TTN: variants seen among roughly 807,000 people sequenced by gnomAD.
TTN encodes the protein titin.
In TTN, 1,525 loss-of-function variants were observed where a neutral mutation model predicts 3,223.0. That is an observed-to-expected ratio of 0.47 (90% CI 0.45 to 0.49). The LOEUF (loss-of-function observed/expected upper bound fraction) is 0.49. Ranked by LOEUF, TTN falls within the 20% of genes least tolerant of loss-of-function variation. TTN has a pLI of 0.00. For synonymous variants in TTN, 14,094 were observed against 15,161.0 expected, an observed-to-expected ratio of 0.93 and a Z score of 5.17; for missense variants, 40,786 against 43,424.0, an observed-to-expected ratio of 0.94 and a Z score of 5.40.
In TTN at chr2:178,588,155, C is replaced by A; in HGVS notation, c.63252G>T (p.Gly21084=). 1 of 1,608,618 alleles carries A rather than the reference C, an allele frequency of 6.2e-7. No homozygotes were observed. The highest frequency in any genetic ancestry group is 8.5e-7 in the Non-Finnish European group (1 of 1,176,056). The change falls in exon 305 of 363, where the codon GGG becomes GGT. Residue 21084 remains glycine, a synonymous_variant. Coordinates refer to ENST00000589042, the MANE Select transcript of TTN (RefSeq NM_001267550.2). ...CACCATCATAGACTGGTTTTCCCCACCCAAGAGTTATGGAATGTTTGGTTG... is the reference window on the plus strand; with the variant it reads ...CACCATCATAGACTGGTTTTCCCCAACCAAGAGTTATGGAATGTTTGGTTG... ...VDTTKHSITL[G]WGKPVYDGGA... is the part of the protein sequence containing the mutation.
intron 47 of TTN, chr2:178,746,088 G>A: frequency 6.2e-7 from 1 of 1,613,406 alleles, no homozygotes; most frequent in Non-Finnish European, 8.5e-7. Context: ...CGAATTTTAA[G>A]AGTGTGACTT....
At chr2:178,671,621 A>C (rs1229436476) in intron 155 of TTN, among the ~76,000 whole-genome samples, 1 of 151,786 alleles carries the variant, frequency 6.6e-6, no homozygotes, top group African/African-American at 2.4e-5. Context: ...TTGCCTGAAC[A>C]TGTAAATTCC....
Position 178,574,448 on chromosome 2 carries a change from ATACCATC to A in TTN, c.71677_71683del (p.Asp23893LeufsTer7). ...TGCAATCACCCGGAACTCATAAGCA[ATACCATC>A]TGTAAGTCCACTTGATTTGAAAATG... On this transcript the variant is annotated frameshift_variant, in exon 326 of 363. Coordinates refer to ENST00000589042, the MANE Select transcript of TTN (RefSeq NM_001267550.2). LOFTEE classifies it high-confidence loss of function. 1 of 1,613,626 alleles carries A rather than the reference ATACCATC, an allele frequency of 6.2e-7. No homozygotes were observed. Among genetic ancestry groups the A allele is most frequent in the South Asian group, 1.1e-5 (1 of 91,062 alleles).
chr2:178,586,417 T>C (rs1371010340), intron 308 of TTN, 88 bp downstream of exon 308: 1 of 1,494,072 alleles, frequency 6.7e-7, no homozygotes. Context: ...TTTCTAGAGC[T>C]AGATTCCTCA....
Position 178,719,540 on chromosome 2 carries a change from C to A in TTN, c.23938+14G>T. The A allele has an allele frequency of 6.3e-7, 1 of 1,593,006 alleles. No individual in the cohort carries two copies. The highest frequency in any genetic ancestry group is 1.1e-5 in the South Asian group (1 of 87,352). On this transcript the variant is annotated intron_variant, in intron 82 of 362. Coordinates refer to ENST00000589042, the MANE Select transcript of TTN (RefSeq NM_001267550.2). ...GGAAATATTGTATATTCATAAAAAT[C>A]TCATTCTACTCACCAGAAACATGGA...
rs148684589 is a variant in TTN, at chr2:178,587,683, C to T, written c.63626G>A (p.Arg21209Gln). 7.4e-5 allele frequency: 119 copies of T among 1,612,886 alleles called. No individual in the cohort carries two copies. Among genetic ancestry groups the T allele is most frequent in the African/African-American group, 3.7e-4 (28 of 74,958 alleles). The change falls in exon 306 of 363, where the codon CGA becomes CAA. Residue 21209 changes from arginine (R) to glutamine (Q), a missense_variant. Physicochemically the swap from Arg to Gln is conservative, Grantham distance 43 (BLOSUM62 1). Transcript: ENST00000589042. ...RGRPAPKVTW[R>Q]KVGIDNVVRK... The stretch of plus-strand genomic sequence containing the variant: ...GACCACATTATCAATGCCAACTTTT[C>T]GCCAAGTGACTTTAGGGGCTGGTCG...
intron 223 of TTN, among the ~76,000 whole-genome samples, chr2:178,638,124 A>G (rs779613406): frequency 4.6e-5 from 7 of 152,014 alleles, no homozygotes; most frequent in Non-Finnish European, 7.4e-5. Context: ...CTTTTTCTGA[A>G]TAATAAAAGT....
At chr2:178,792,232 C>T (rs2093545725) in intron 9 of TTN, 35 bp from the exon 10 acceptor site, 1 of 1,581,886 alleles carries the variant, frequency 6.3e-7, no homozygotes, top group African/African-American at 1.4e-5. Flanking sequence ...ACTTTATTTC[C>T]TGATGCCCAA....
Position 178,710,686 on chromosome 2 carries a change from C to A in TTN, c.28411G>T (p.Ala9471Ser), listed in dbSNP as rs2076526997. 1 of 1,613,340 alleles carries A rather than the reference C, an allele frequency of 6.2e-7. No individual in the cohort carries two copies. The highest frequency in any genetic ancestry group is 2.2e-5 in the East Asian group (1 of 44,880). The change falls in exon 98 of 363, where the codon GCT (alanine) becomes TCT (serine). Residue 9471 changes from alanine to serine, a missense_variant. By Grantham distance (99) the Ala-to-Ser change is moderately conservative. Coordinates refer to ENST00000589042, the MANE Select transcript of TTN (RefSeq NM_001267550.2). ...GAGTCTTTTCCCACTTCATTCACAG[C>A]ATAGCAGGTATATTGTCCAGAATCT... ...KGDSGQYTCY[A>S]VNEVGKDSCT...
Position 178,719,288 on chromosome 2 carries a change from G to A in TTN, c.24102C>T (p.Ser8034=), listed in dbSNP as rs2154299995. ...EIVSGPKCQS[S]FSENVCTLNL... Reference sequence around the variant, plus strand: ...TCAAAGTACAGACGTTTTCCGAAAAGCTGGACTGACATTTGGGCCCACTAA... The same window carrying A: ...TCAAAGTACAGACGTTTTCCGAAAAACTGGACTGACATTTGGGCCCACTAA... Residue 8034 remains serine, a synonymous_variant, in exon 83 of 363, where the codon AGC becomes AGT. Coordinates refer to ENST00000589042, the MANE Select transcript of TTN (RefSeq NM_001267550.2). 6.2e-7 allele frequency: 1 copy of A among 1,613,766 alleles called. No individual in the cohort carries two copies. The highest frequency in any genetic ancestry group is 8.5e-7 in the Non-Finnish European group (1 of 1,179,752).
At chr2:178,796,442 C>T (rs552618580) in intron 6 of TTN, among the ~76,000 whole-genome samples, 1 of 152,266 alleles carries the variant, frequency 6.6e-6, no homozygotes, top group African/African-American at 2.4e-5. Flanking sequence ...CCTAACAGTA[C>T]ATTACAACAT....
Position 178,563,031 on chromosome 2 carries a change from C to T in TTN, c.83101G>A (p.Gly27701Ser), listed in dbSNP as rs1559314882. Residue 27701 changes from glycine to serine, a missense_variant, in exon 326 of 363, where the codon GGT (glycine) becomes AGT (serine). Transcript: ENST00000589042. This position sits in a 1 kb window ranked among gnomAD's most constrained non-coding sequence, Gnocchi z 4.5. ...ATLRLFVTIKGRPEPEVKWEK... is the reference protein window; with the variant it reads ...ATLRLFVTIKSRPEPEVKWEK... ...CATTTAACTTCGGGTTCTGGTCGAC[C>T]TTTGATAGTGACAAATAAGCGTAAA... The T allele has an allele frequency of 1.9e-6, 3 of 1,613,622 alleles. No homozygotes were observed. Among genetic ancestry groups the T allele is most frequent in the Non-Finnish European group, 2.5e-6 (3 of 1,179,684 alleles).
chr2:178,749,244 A>G, intron 47 of TTN: 1 of 1,611,842 alleles, frequency 6.2e-7, no homozygotes. Context: ...ACATCACTGA[A>G]ATCATCAACA....
Position 178,541,548 on chromosome 2 carries a change from T to C in TTN, c.97529A>G (p.Asp32510Gly), listed in dbSNP as rs1170311014. ...PGPPETLQIF[D>G]VSRDGMTLTW... Reference sequence around the variant, plus strand: ...AAGTGTCATGCCATCACGGGAAACATCAAATATCTGTAATGTTTCTGGGGG... The same window carrying C: ...AAGTGTCATGCCATCACGGGAAACACCAAATATCTGTAATGTTTCTGGGGG... The change falls in exon 350 of 363, where the codon GAT (aspartate) becomes GGT (glycine). Residue 32510 changes from aspartate (D) to glycine (G), a missense_variant. Coordinates refer to ENST00000589042, the MANE Select transcript of TTN (RefSeq NM_001267550.2). 6.2e-7 allele frequency: 1 copy of C among 1,612,156 alleles called. No homozygotes were observed. Among genetic ancestry groups the C allele is most frequent in the Non-Finnish European group, 8.5e-7 (1 of 1,179,020 alleles).
rs777622424 is a variant in TTN at position 178,535,234 on chromosome 2, T to C, written c.101381A>G (p.Glu33794Gly). Residue 33794 changes from glutamate to glycine, a missense_variant, in exon 358 of 363, where the codon GAA becomes GGA. Transcript: ENST00000589042. Reference protein sequence around the residue: ...EDKTRAMNYDEEVDETREVSM... With the variant: ...EDKTRAMNYDGEVDETREVSM... ...GACTTCCCTGGTTTCATCTACCTCT[T>C]CATCATAGTTCATAGCTCTGGTCTT... is the stretch of plus-strand genomic sequence containing the variant. 1 of 1,613,954 alleles carries C rather than the reference T, an allele frequency of 6.2e-7. No individual in the cohort carries two copies. The highest frequency in any genetic ancestry group is 1.7e-5 in the Admixed American group (1 of 60,018).
intron 52 of TTN, 73 bp from the exon 53 acceptor site, chr2:178,733,965 T>C (rs920578358): frequency 6.5e-6 from 9 of 1,377,170 alleles, no homozygotes; most frequent in Non-Finnish European, 7.7e-6. Flanking sequence ...ATTTAAGAGT[T>C]TTTTCAAGAT....
In TTN at chr2:178,608,000, T is replaced by C. The variant is rs760584088; in HGVS notation, c.52787A>G (p.Asn17596Ser). 2.2e-5 allele frequency: 35 copies of C among 1,612,770 alleles called. No individual in the cohort carries two copies. Among genetic ancestry groups the C allele is most frequent in the Non-Finnish European group, 2.6e-5 (31 of 1,179,334 alleles). Residue 17596 changes from asparagine to serine, a missense_variant, in exon 276 of 363, where the codon AAT becomes AGT. By Grantham distance (46) the Asn-to-Ser change is conservative. Transcript: ENST00000589042. ...IELEWEPPAF[N>S]GGGEIVGYFV... The stretch of plus-strand genomic sequence containing the variant: ...ATAGCCAACAATTTCCCCACCACCA[T>C]TGAAAGCTGGGGGTTCCCATTCTAG...
chr2:178,739,321 A>T lies in TTN; in HGVS notation c.13912T>A (p.Tyr4638Asn), dbSNP rs376513367. Residue 4638 changes from tyrosine to asparagine, a missense_variant, in exon 48 of 363, where the codon TAT (tyrosine) becomes AAT (asparagine). Physicochemically the swap from Tyr to Asn is moderately radical, Grantham distance 143 (BLOSUM62 -2). Coordinates refer to ENST00000589042, the MANE Select transcript of TTN (RefSeq NM_001267550.2). ...GAAGGCACCAGTTTATTCTCAAAAT[A>T]CCAATTCACCTCTTTAGCATTTGTT... ...SITNAKEVNW[Y>N]FENKLVPSDE... is the part of the protein sequence containing the mutation. 3.1e-6 allele frequency: 5 copies of T among 1,613,608 alleles called. No individual in the cohort carries two copies. The African/African-American group carries it at 4.0e-5, about 13-fold the overall frequency.
At chr2:178,800,058 T>A in intron 4 of TTN, 148 bp from the exon 5 acceptor site, 1 of 869,652 alleles carries the variant, frequency 1.1e-6, no homozygotes, top group Non-Finnish European at 1.8e-6. Context: ...TGCATGAATA[T>A]AAATTAGGTT....
Sources: gnomAD v4.1 joint callset for allele counts (sites outside exome capture counted in the v4.1 genomes callset) on GRCh38, gnomAD v4.1.1 for gene constraint, Gnocchi (gnomAD v3.1) non-coding constraint, MANE v1.5 for transcripts, NCBI Gene and HGNC (gene_info 2026-07-23, HGNC 2026-07-21) for gene names.